Variants in DLAT observed in about 807,000 individuals in gnomAD.
DLAT encodes dihydrolipoamide S-acetyltransferase.
In DLAT, 43 loss-of-function variants were observed where a neutral mutation model predicts 68.0. That is an observed-to-expected ratio of 0.63 (90% confidence interval 0.50 to 0.81). DLAT has a LOEUF of 0.81. Ranked by LOEUF, DLAT falls within the 40% of genes least tolerant of loss-of-function variation. The probability of loss-of-function intolerance (pLI) is 0.00; values close to 1 mark genes in which losing one functional copy is unlikely to be tolerated. For missense variants in DLAT, 745 were observed against 815.4 expected (o/e 0.91, Z 1.05); for synonymous variants, 265 against 288.6 (o/e 0.92, Z 0.83).
chr11:112,026,108 T>C (rs1555179222), intron 1 of DLAT, 90 bp from the exon 2 acceptor site: 1 of 1,045,166 alleles, frequency 9.6e-7, no homozygotes, highest in Non-Finnish European at 1.5e-6. Context: ...GTATACACTT[T>C]GCATGAAATT....
rs1159165367 is a variant in DLAT, at chr11:112,063,161, G to A, written c.*626G>A. 5 of 152,416 alleles carry A rather than the reference G, an allele frequency of 3.3e-5. No individual in the cohort carries two copies. Among genetic ancestry groups the A allele is most frequent in the African/African-American group, 1.2e-4 (5 of 41,398 alleles). 9.4% of individuals were successfully genotyped at this position (152,416 alleles called of 1,614,324 possible). A position where few individuals can be genotyped will look rare whatever the true frequency, so the allele number is the denominator to read the frequency against. On this transcript the variant is annotated 3_prime_UTR_variant, in exon 14 of 14. Transcript: ENST00000280346. ...ATTTTTCTATGAATTCCTACACATG[G>A]TTATTCCCCCCTACTTGAGATAATC...
In DLAT at chr11:112,063,178, G is replaced by A. The variant is rs1191542139; in HGVS notation, c.*643G>A. 2 of 152,226 alleles carry A rather than the reference G, an allele frequency of 1.3e-5. No homozygotes were observed. The highest frequency in any genetic ancestry group is 2.4e-5 in the African/African-American group (1 of 41,388). The allele number at this position is 152,226 out of a possible 1,614,324, so 9.4% of individuals were successfully genotyped here. Reference sequence around the variant, plus strand: ...TACACATGGTTATTCCCCCCTACTTGAGATAATCTAAATATAAACCAGCTA... The same window carrying A: ...TACACATGGTTATTCCCCCCTACTTAAGATAATCTAAATATAAACCAGCTA... On this transcript the variant is annotated 3_prime_UTR_variant, in exon 14 of 14. Transcript: ENST00000280346.
intron 11 of DLAT, among the ~76,000 whole-genome samples, chr11:112,053,533 A>G (rs111704811): frequency 0.014 from 2,117 of 151,166 alleles, 51 homozygotes; most frequent in African/African-American, 0.049. Context: ...GCTCACTGCA[A>G]CCTCCGCCTC....
intron 12 of DLAT, 143 bp from the exon 13 acceptor site, chr11:112,060,895 A>G (rs1250527090): frequency 9.0e-6 from 6 of 663,694 alleles, no homozygotes; most frequent in Admixed American, 8.5e-5. Flanking sequence ...TAATGGTTGT[A>G]TATCTTCAGT....
At chr11:112,027,796 A>G (rs1862150253) in intron 2 of DLAT, among the ~76,000 whole-genome samples, 1 of 151,912 alleles carries the variant, frequency 6.6e-6, no homozygotes, top group African/African-American at 2.4e-5. Flanking sequence ...GGCACTCAGC[A>G]GGCTGAGGCA....
rs148561787 is a variant in DLAT, at chr11:112,028,420, CAAAAAAAA to C, written c.382-77_382-70del. On this transcript the variant is annotated intron_variant, in intron 2 of 13. Coordinates refer to ENST00000280346, the MANE Select transcript of DLAT (RefSeq NM_001931.5). Reference sequence around the variant, plus strand: ...GGTGACAGAATGAGACTCTGTGTCTCAAAAAAAAAAAAAAAAAAAAAAAAATTCTAGAC... The same window carrying C: ...GGTGACAGAATGAGACTCTGTGTCTCAAAAAAAAAAAAAAAAATTCTAGAC... 2.6e-3 allele frequency: 2,115 copies of C among 820,244 alleles called. 1 individual carries two copies. The highest frequency in any genetic ancestry group is 3.4e-3 in the Non-Finnish European group (1,946 of 575,740). 50.8% of individuals were successfully genotyped at this position (820,244 alleles called of 1,614,324 possible). A position where few individuals can be genotyped will look rare whatever the true frequency, so the allele number is the denominator to read the frequency against.
At chr11:112,045,327 A>C (rs1863252955) in intron 9 of DLAT, 97 bp downstream of exon 9, 12 of 1,028,086 alleles carry the variant, frequency 1.2e-5, no homozygotes, top group Admixed American at 1.7e-5. Flanking sequence ...GAGGCTTTTT[A>C]AGTTGGGAAT....
intron 10 of DLAT, among the ~76,000 whole-genome samples, chr11:112,050,461 T>C (rs1863553771): frequency 6.6e-6 from 1 of 152,196 alleles, no homozygotes; most frequent in Non-Finnish European, 1.5e-5. Context: ...ATATTAATTC[T>C]TCTTTAATAT....
rs116522336 is a variant in DLAT, at chr11:112,052,319, A to G, written c.1514+970A>G. ...CAATTCTGGTGCTGTCTACCTGTAG[A>G]TAGTGTCAGATCCCAAAGATTGAGG... On this transcript the variant is annotated intron_variant, in intron 11 of 13. Transcript: ENST00000280346. Among the ~76,000 whole-genome samples the G allele has an allele frequency of 8.9e-3, 1,361 of 152,212 alleles. 11 individuals are homozygous for G. The highest frequency in any genetic ancestry group is 0.03 in the African/African-American group (1,248 of 41,538).
chr11:112,056,431 G>A (rs2137870191), intron 11 of DLAT, among the ~76,000 whole-genome samples: 1 of 152,304 alleles, frequency 6.6e-6, no homozygotes, highest in African/African-American at 2.4e-5. Flanking sequence ...TAGAAATGGA[G>A]TCATAAAATA....
intron 10 of DLAT, among the ~76,000 whole-genome samples, chr11:112,047,424 C>T (rs969108410): frequency 3.3e-5 from 5 of 152,258 alleles, no homozygotes; most frequent in Admixed American, 2.6e-4. Context: ...TGCCTGTTCA[C>T]TCTGATGATA....
chr11:112,058,920 TTCTC>T (rs1261343068), intron 11 of DLAT, among the ~76,000 whole-genome samples: 1 of 152,134 alleles, frequency 6.6e-6, no homozygotes, highest in East Asian at 1.9e-4. Flanking sequence ...TCAGTATAGT[TTCTC>T]TCTTTTTTCT....
intron 12 of DLAT, among the ~76,000 whole-genome samples, chr11:112,060,400 T>A (rs1334529369): frequency 6.6e-6 from 1 of 151,902 alleles, no homozygotes; most frequent in East Asian, 1.9e-4. Context: ...GACCTTGTGA[T>A]CCGCCTGCCT....
In DLAT at chr11:112,062,617, T is replaced by A; in HGVS notation, c.*82T>A. On this transcript the variant is annotated 3_prime_UTR_variant, in exon 14 of 14. Transcript: ENST00000280346. ...ATTTATATGTTATTAAACAGGTGGT[T>A]CTTTTTATTTTAACCAGTTATTTTT... 1 of 1,473,252 alleles carries A rather than the reference T, an allele frequency of 6.8e-7. No individual in the cohort carries two copies. The highest frequency in any genetic ancestry group is 9.4e-7 in the Non-Finnish European group (1 of 1,068,498). The allele number at this position is 1,473,252 out of a possible 1,614,324, so 91.3% of individuals were successfully genotyped here.
chr11:112,037,473 C>A lies in DLAT; in HGVS notation c.975+13C>A. The A allele has an allele frequency of 6.2e-7, 1 of 1,613,562 alleles. No homozygotes were observed. The highest frequency in any genetic ancestry group is 8.5e-7 in the Non-Finnish European group (1 of 1,179,530). ...TACCCCACCCCCGGTAGGTATGCTT[C>A]TAGAATTCAGGAAACACTTACCTTG... On this transcript the variant is annotated intron_variant, in intron 6 of 13. Coordinates refer to ENST00000280346, the MANE Select transcript of DLAT (RefSeq NM_001931.5).
intron 4 of DLAT, 112 bp from the exon 5 acceptor site, chr11:112,033,292 T>C: frequency 7.5e-7 from 1 of 1,339,428 alleles, no homozygotes; most frequent in Middle Eastern, 2.3e-4. Flanking sequence ...CTGTGGTGAG[T>C]ATTTGGATTA....
At chr11:112,029,950 T>C (rs1286968460) in intron 4 of DLAT, 1 of 918,010 alleles carries the variant, frequency 1.1e-6, no homozygotes, top group South Asian at 1.3e-5. Flanking sequence ...TTTCCAAACA[T>C]TACATGCTTC....
chr11:112,047,187 G>A (rs1408814709), intron 10 of DLAT, among the ~76,000 whole-genome samples: 1 of 152,148 alleles, frequency 6.6e-6, no homozygotes, highest in African/African-American at 2.4e-5. Context: ...AACTCACTGT[G>A]GTTTTGATTT....
intron 5 of DLAT, among the ~76,000 whole-genome samples, chr11:112,034,536 G>A (rs1314678400): frequency 2.6e-4 from 40 of 151,692 alleles, no homozygotes; most frequent in African/African-American, 9.7e-4. Context: ...TCCACCTCCT[G>A]GGTTCACGCC....
Sources: gnomAD v4.1 joint callset for allele counts (sites outside exome capture counted in the v4.1 genomes callset) on GRCh38, gnomAD v4.1.1 for gene constraint, MANE v1.5 for transcripts, NCBI Gene and HGNC (gene_info 2026-07-23, HGNC 2026-07-21) for gene names.